Variants in RGS7 observed in about 807,000 individuals in gnomAD.
RGS7 encodes the protein regulator of G protein signaling 7, also known as regulator of G-protein signaling 7.
RGS7 carries 27 observed loss-of-function variants against 81.1 expected under a neutral mutation model. The observed-to-expected ratio is 0.33, with a 90% CI of 0.25 to 0.46. The LOEUF (loss-of-function observed/expected upper bound fraction) is 0.46, where lower values mean the gene tolerates loss of function less well. Among genes scored for constraint, RGS7 ranks in the 20% least tolerant of loss-of-function variants. The probability of loss-of-function intolerance (pLI) is 1.00; values close to 1 mark genes in which losing one functional copy is unlikely to be tolerated. For synonymous variants in RGS7, 208 were observed against 207.7 expected (o/e 1.00, Z -0.01); for missense variants, 396 against 607.4 (o/e 0.65, Z 3.66).
rs368672336 is a variant in RGS7 at position 241,341,495 on chromosome 1, C to A, written c.78+14204G>T. ...CAGTGTAAAAGGCTACAGGGAGTTA[C>A]ATGCTGCTAGTCCTTTAAACTATTA... is the stretch of plus-strand genomic sequence containing the variant. On this transcript the variant is annotated intron_variant, in intron 2 of 18. Coordinates refer to ENST00000440928, the MANE Select transcript of RGS7 (RefSeq NM_001364886.1). Among the ~76,000 whole-genome samples, 4 of 151,964 alleles carry A rather than the reference C, an allele frequency of 2.6e-5. No homozygotes were observed. The East Asian group carries it at 5.8e-4, about 22-fold the overall frequency.
At chr1:241,199,685 G>GAAA (rs35238658) in intron 2 of RGS7, among the ~76,000 whole-genome samples, 73 of 138,294 alleles carry the variant, frequency 5.3e-4, no homozygotes, top group Middle Eastern at 3.6e-3. Flanking sequence ...GTGGCTTCCA[G>GAAA]AAAAAAAAAA....
chr1:240,867,064 C>T lies in RGS7; in HGVS notation c.609+1523G>A, dbSNP rs560953130. 2.0e-5 allele frequency among the ~76,000 whole-genome samples: 3 copies of T among 152,298 alleles called. No individual in the cohort carries two copies. In the East Asian group the frequency reaches 5.8e-4, roughly 29 times the overall value. On this transcript the variant is annotated intron_variant, in intron 9 of 18. Coordinates refer to ENST00000440928, the MANE Select transcript of RGS7 (RefSeq NM_001364886.1). ...TAATGTCCTTGCAATAGCTATGCAC[C>T]TGACCTCATAATCCTTTTTCTTCAT... is the stretch of plus-strand genomic sequence containing the variant.
intron 3 of RGS7, among the ~76,000 whole-genome samples, chr1:241,004,796 A>G (rs1030521370): frequency 3.3e-5 from 5 of 152,306 alleles, no homozygotes; most frequent in Non-Finnish European, 7.3e-5. Flanking sequence ...TAGGACCTAC[A>G]GTCCAACAAG....
At chr1:241,152,842 G>A (rs2068852442) in intron 2 of RGS7, among the ~76,000 whole-genome samples, 2 of 152,236 alleles carry the variant, frequency 1.3e-5, no homozygotes, top group East Asian at 3.9e-4. Flanking sequence ...AGTCAGCCAT[G>A]TAGTATGAGT....
chr1:241,235,686 C>CTT (rs1463909139), intron 2 of RGS7, among the ~76,000 whole-genome samples: 3 of 28,090 alleles, frequency 1.1e-4, no homozygotes, highest in South Asian at 1.2e-3. Context: ...CTTTCTTTCT[C>CTT]TCTCTCTTTC....
At chr1:241,079,043 G>C (rs2062987048) in intron 3 of RGS7, among the ~76,000 whole-genome samples, 1 of 152,176 alleles carries the variant, frequency 6.6e-6, no homozygotes, top group African/African-American at 2.4e-5. Context: ...GGCTCTGGAG[G>C]AATTTGAAAC....
intron 2 of RGS7, among the ~76,000 whole-genome samples, chr1:241,197,772 A>G (rs1015164483): frequency 6.6e-5 from 10 of 151,620 alleles, no homozygotes; most frequent in African/African-American, 2.4e-4. Context: ...ATTTCCATAC[A>G]TATACTTATT....
At chr1:240,909,961 A>C (rs1479742558) in intron 6 of RGS7, among the ~76,000 whole-genome samples, 1 of 152,170 alleles carries the variant, frequency 6.6e-6, no homozygotes, top group Non-Finnish European at 1.5e-5. Context: ...AAGTGTATTT[A>C]GCATTGGTAG....
intron 10 of RGS7, among the ~76,000 whole-genome samples, chr1:240,820,719 G>A (rs1372243997): frequency 3.3e-5 from 5 of 152,234 alleles, no homozygotes; most frequent in East Asian, 3.9e-4. Context: ...GTGAGCTCGC[G>A]AAAGATATTA....
At chr1:240,884,920 T>C (rs191786942) in intron 6 of RGS7, among the ~76,000 whole-genome samples, 1 of 152,084 alleles carries the variant, frequency 6.6e-6, no homozygotes, top group Non-Finnish European at 1.5e-5. Context: ...TAATTAAACT[T>C]AAGAGCTTCT....
chr1:240,892,105 T>G (rs530679143), intron 6 of RGS7, among the ~76,000 whole-genome samples: 31 of 152,336 alleles, frequency 2.0e-4, no homozygotes, highest in African/African-American at 7.5e-4. Context: ...TTAGTGAGCA[T>G]GTAAGTTAAT....
At position 240,955,327 on chromosome 1, in the gene RGS7, C is replaced by T. The variant is rs191971489; in HGVS notation, c.227-18621G>A. 8.0e-4 allele frequency among the ~76,000 whole-genome samples: 121 copies of T among 152,054 alleles called. 1 individual carries two copies. Among genetic ancestry groups the T allele is most frequent in the Admixed American group, 4.6e-3 (70 of 15,276 alleles). ...GTTGGCTTTAGGAGGCCGAGGCGGG[C>T]GGATCACAAGGTCAGGAGATCTAGA... On this transcript the variant is annotated intron_variant, in intron 4 of 18. Coordinates refer to ENST00000440928, the MANE Select transcript of RGS7 (RefSeq NM_001364886.1).
chr1:241,124,048 A>G (rs9787056), intron 2 of RGS7, among the ~76,000 whole-genome samples: 55,767 of 152,020 alleles, frequency 0.37, 12,508 homozygotes, highest in East Asian at 0.65. Context: ...TAGGTCAAGC[A>G]TTAATAAAGG....
intron 2 of RGS7, among the ~76,000 whole-genome samples, chr1:241,256,138 C>T (rs1367692014): frequency 6.6e-6 from 1 of 152,152 alleles, no homozygotes; most frequent in Non-Finnish European, 1.5e-5. Flanking sequence ...CCCAATAAAA[C>T]AAATTCATTT....
intron 6 of RGS7, among the ~76,000 whole-genome samples, chr1:240,902,885 G>A (rs892256589): frequency 6.6e-6 from 1 of 152,150 alleles, no homozygotes; most frequent in Non-Finnish European, 1.5e-5. Flanking sequence ...ATATGTATAT[G>A]TGTTTAAAAG....
chr1:241,340,623 T>G (rs577001870), intron 2 of RGS7, among the ~76,000 whole-genome samples: 8 of 152,086 alleles, frequency 5.3e-5, no homozygotes, highest in Admixed American at 1.3e-4. Flanking sequence ...TTCATCACTA[T>G]CATCACCCAA....
At chr1:240,993,277 AAGAG>A (rs202089970) in intron 3 of RGS7, among the ~76,000 whole-genome samples, 130 of 151,556 alleles carry the variant, frequency 8.6e-4, no homozygotes, top group African/African-American at 2.9e-3. Flanking sequence ...AAAAGAAAGA[AAGAG>A]AGAGAGAGAG....
At chr1:240,988,922 C>A (rs901903274) in intron 3 of RGS7, among the ~76,000 whole-genome samples, 1 of 152,134 alleles carries the variant, frequency 6.6e-6, no homozygotes, top group Non-Finnish European at 1.5e-5. Flanking sequence ...TGAACAATTT[C>A]TTAGAAGAAC....
rs542174508 is a variant in RGS7, at chr1:240,826,101, G to A, written c.684+997C>T. ...GGATGAAAGCAATTAAGTTGGGCCA[G>A]CCACCAGAGAGACAGACCAGACAGG... On this transcript the variant is annotated intron_variant, in intron 10 of 18. Coordinates refer to ENST00000440928, the MANE Select transcript of RGS7 (RefSeq NM_001364886.1). Among the ~76,000 whole-genome samples the A allele has an allele frequency of 1.3e-4, 20 of 152,296 alleles. No individual in the cohort carries two copies. In the South Asian group the frequency reaches 4.1e-3, roughly 32 times the overall value.
Sources: allele counts gnomAD v4.1 joint callset (sites outside exome capture counted in the v4.1 genomes callset), GRCh38; gene constraint gnomAD v4.1.1; transcripts MANE v1.5; gene names NCBI Gene and HGNC (gene_info 2026-07-23, HGNC 2026-07-21).